Variants in NTF3 observed in about 807,000 individuals in gnomAD.
NTF3 encodes neurotrophin-3.
Under a neutral mutation model 26.3 loss-of-function variants are expected in NTF3, and 8 were observed. That is an observed-to-expected ratio of 0.30 (90% confidence interval 0.18 to 0.55). The LOEUF is 0.55. NTF3 is among the 20% of genes least tolerant of loss of function. NTF3 has a pLI of 0.93. For missense variants in NTF3, 276 were observed against 352.9 expected, an observed-to-expected ratio of 0.78 and a Z score of 1.75; for synonymous variants, 154 against 145.5, an observed-to-expected ratio of 1.06 and a Z score of -0.42.
chr12:5,494,570 T>A lies in NTF3; in HGVS notation c.395T>A (p.Leu132His). The A allele has an allele frequency of 6.2e-7, 1 of 1,613,950 alleles. No homozygotes were observed. Among genetic ancestry groups the A allele is most frequent in the East Asian group, 2.2e-5 (1 of 44,858 alleles). The change falls in exon 2 of 2, where the codon CTC becomes CAC. Residue 132 changes from leucine to histidine, a missense_variant. Physicochemically the swap from Leu to His is moderately conservative, Grantham distance 99. Coordinates refer to ENST00000423158, the MANE Select transcript of NTF3 (RefSeq NM_001102654.2). This position sits in a 1 kb window ranked among gnomAD's most constrained non-coding sequence, Gnocchi z 8.3. ...CCCTTGGAGCCCCCGCCCTTGTATC[T>A]CATGGAGGATTACGTGGGCAGCCCC... ...STPLEPPPLY[L>H]MEDYVGSPVV...
At chr12:5,481,217 G>C (rs1472486505) in intron 1 of NTF3, among the ~76,000 whole-genome samples, 1 of 152,108 alleles carries the variant, frequency 6.6e-6, no homozygotes, top group Non-Finnish European at 1.5e-5. Flanking sequence ...TTTGATGCCG[G>C]ACTGGGAGTG....
At chr12:5,444,059 A>G (rs903918831) in intron 1 of NTF3, among the ~76,000 whole-genome samples, 1 of 136,926 alleles carries the variant, frequency 7.3e-6, no homozygotes, top group African/African-American at 2.4e-5. Context: ...AATCAAGAAT[A>G]CATCTTCCCG....
chr12:5,465,961 A>G (rs1187052814), intron 1 of NTF3, among the ~76,000 whole-genome samples: 1 of 152,236 alleles, frequency 6.6e-6, no homozygotes, highest in Non-Finnish European at 1.5e-5. Flanking sequence ...CAGAGAGCTG[A>G]TAGGAATTGC....
chr12:5,486,471 T>C (rs1484073932), intron 1 of NTF3, among the ~76,000 whole-genome samples: 4 of 152,226 alleles, frequency 2.6e-5, no homozygotes, highest in Non-Finnish European at 5.9e-5. Context: ...ATCATTATTA[T>C]TAATTATAAT....
At chr12:5,482,866 C>T (rs1426467446) in intron 1 of NTF3, among the ~76,000 whole-genome samples, 1 of 151,194 alleles carries the variant, frequency 6.6e-6, no homozygotes, top group Non-Finnish European at 1.5e-5. Flanking sequence ...CTGTCTCTCC[C>T]TCTGTCTTTC....
At chr12:5,489,313 G>A (rs1021573783) in intron 1 of NTF3, among the ~76,000 whole-genome samples, 11 of 152,220 alleles carry the variant, frequency 7.2e-5, no homozygotes, top group East Asian at 5.8e-4. Flanking sequence ...GACAGCAGCC[G>A]TCCTGGCTCC....
intron 1 of NTF3, among the ~76,000 whole-genome samples, chr12:5,485,765 A>C (rs1940859349): frequency 6.6e-6 from 1 of 152,150 alleles, no homozygotes; most frequent in Non-Finnish European, 1.5e-5. Context: ...AGTGTTTATT[A>C]AGTGCCTACC....
intron 1 of NTF3, among the ~76,000 whole-genome samples, chr12:5,463,539 G>T (rs1483554599): frequency 6.6e-6 from 1 of 152,156 alleles, no homozygotes; most frequent in East Asian, 1.9e-4. Context: ...GATGGTTGGG[G>T]GTGGGCGGTA....
intron 1 of NTF3, among the ~76,000 whole-genome samples, chr12:5,465,213 C>A (rs998841295): frequency 8.5e-5 from 13 of 152,142 alleles, no homozygotes; most frequent in Non-Finnish European, 1.6e-4. Flanking sequence ...TGGGAGAGGC[C>A]ACTGTGGGCT....
In NTF3 at chr12:5,432,112, A is replaced by AGAG; in HGVS notation, c.-212_-210dup. Reference sequence around the variant, plus strand: ...CGCGCAGATTCTGTTCACGGGACTCAGAGTTGAAGCTCCTCTCCCTTCCGA... The same window carrying AGAG: ...CGCGCAGATTCTGTTCACGGGACTCAGAGGAGTTGAAGCTCCTCTCCCTTCCGA... On this transcript the variant is annotated 5_prime_UTR_variant, in exon 1 of 2. Transcript: ENST00000423158. 1 of 633,214 alleles carries AGAG rather than the reference A, an allele frequency of 1.6e-6. No homozygotes were observed. Among genetic ancestry groups the AGAG allele is most frequent in the African/African-American group, 1.8e-5 (1 of 55,290 alleles). 39.2% of individuals were successfully genotyped at this position (633,214 alleles called of 1,614,324 possible).
At chr12:5,467,522 A>G (rs2121203252) in intron 1 of NTF3, among the ~76,000 whole-genome samples, 1 of 152,204 alleles carries the variant, frequency 6.6e-6, no homozygotes, top group Admixed American at 6.5e-5. Flanking sequence ...AGTGTCTTTT[A>G]TTATTTCGTT....
At chr12:5,452,703 A>G (rs533700045) in intron 1 of NTF3, among the ~76,000 whole-genome samples, 118 of 152,318 alleles carry the variant, frequency 7.7e-4, no homozygotes, top group African/African-American at 2.6e-3. Flanking sequence ...GATAGCGGAA[A>G]GGCACACTGG....
Position 5,494,004 on chromosome 12 carries a change from C to A in NTF3, c.19-190C>A, listed in dbSNP as rs1940970064. On this transcript the variant is annotated intron_variant, in intron 1 of 1. Transcript: ENST00000423158. This position sits in a 1 kb window ranked among gnomAD's most constrained non-coding sequence, Gnocchi z 8.3. ...AGTCGGCAGACCTGGAGTGCATTCG[C>A]AGTATCTCCCGGGGGTGGGGGAAAG... 1.8e-5 allele frequency: 11 copies of A among 603,394 alleles called. No homozygotes were observed. The highest frequency in any genetic ancestry group is 2.9e-6 in the Non-Finnish European group (1 of 342,678). The allele number at this position is 603,394 out of a possible 1,614,324, so 37.4% of individuals were successfully genotyped here. A position where few individuals can be genotyped will look rare whatever the true frequency, so the allele number is the denominator to read the frequency against.
intron 1 of NTF3, among the ~76,000 whole-genome samples, chr12:5,487,899 G>A (rs569126730): frequency 3.3e-5 from 5 of 152,272 alleles, no homozygotes; most frequent in South Asian, 4.1e-4. Context: ...CTAGTTTTCC[G>A]TGACTTTAGA....
upstream of NTF3, among the ~76,000 whole-genome samples, chr12:5,431,011 T>C (rs1940079577): frequency 6.6e-6 from 1 of 151,922 alleles, no homozygotes; most frequent in Non-Finnish European, 1.5e-5. Context: ...CGATGGCAAA[T>C]GGGCGAAATC....
At chr12:5,463,732 T>G (rs1228926096) in intron 1 of NTF3, among the ~76,000 whole-genome samples, 1 of 152,118 alleles carries the variant, frequency 6.6e-6, no homozygotes, top group Non-Finnish European at 1.5e-5. Context: ...ATGACCCCAG[T>G]ATGGTGTCTG....
At chr12:5,431,015 C>A (rs1940079687), upstream of NTF3, among the ~76,000 whole-genome samples, 1 of 152,014 alleles carries the variant, frequency 6.6e-6, no homozygotes, top group Non-Finnish European at 1.5e-5. Context: ...GGCAAATGGG[C>A]GAAATCAAGA....
At chr12:5,452,331 G>A (rs1476715626) in intron 1 of NTF3, among the ~76,000 whole-genome samples, 5 of 151,900 alleles carry the variant, frequency 3.3e-5, no homozygotes, top group Admixed American at 2.0e-4. Context: ...TCTTGACCTC[G>A]TGATCCACCC....
chr12:5,485,816 G>C (rs146152046), intron 1 of NTF3, among the ~76,000 whole-genome samples: 3 of 152,264 alleles, frequency 2.0e-5, no homozygotes, highest in Non-Finnish European at 4.4e-5. Flanking sequence ...TTCTTCCTGT[G>C]TGCACATCCC....
Sources: gnomAD v4.1 joint callset for allele counts (sites outside exome capture counted in the v4.1 genomes callset) on GRCh38, gnomAD v4.1.1 for gene constraint, Gnocchi (gnomAD v3.1) non-coding constraint, MANE v1.5 for transcripts, NCBI Gene and HGNC (gene_info 2026-07-23, HGNC 2026-07-21) for gene names.